XKR6: variants seen among roughly 807,000 people sequenced by gnomAD.
XKR6 encodes XK-related protein 6.
Under a neutral mutation model 56.7 loss-of-function variants are expected in XKR6, and 22 were observed. The observed-to-expected ratio is 0.39, with a 90% CI of 0.28 to 0.55. XKR6 has a LOEUF of 0.55. XKR6 is among the 20% of genes least tolerant of loss of function. The pLI, the probability that XKR6 is intolerant of heterozygous loss-of-function variation, is 0.66. For synonymous variants in XKR6, 524 were observed against 387.8 expected (o/e 1.35, Z -4.13); for missense variants, 852 against 889.0 (o/e 0.96, Z 0.53).
intron 1 of XKR6, among the ~76,000 whole-genome samples, chr8:11,126,241 G>C (rs1799788539): frequency 6.6e-6 from 1 of 151,752 alleles, no homozygotes; most frequent in Non-Finnish European, 1.5e-5. Flanking sequence ...GCTAATTTTT[G>C]TATTTTTAGT....
At chr8:11,188,658 T>C (rs1803396913) in intron 1 of XKR6, among the ~76,000 whole-genome samples, 1 of 152,102 alleles carries the variant, frequency 6.6e-6, no homozygotes, top group Admixed American at 6.6e-5. Flanking sequence ...GTAGGGTGAT[T>C]TATTAACTCT....
intron 1 of XKR6, among the ~76,000 whole-genome samples, chr8:11,128,030 C>T (rs1280661331): frequency 6.6e-6 from 1 of 152,164 alleles, no homozygotes; most frequent in South Asian, 2.1e-4. Flanking sequence ...TTTGATTTAT[C>T]AGTGGAGGGT....
intron 1 of XKR6, among the ~76,000 whole-genome samples, chr8:11,143,100 G>A (rs965267207): frequency 6.6e-6 from 1 of 152,056 alleles, no homozygotes; most frequent in Non-Finnish European, 1.5e-5. Flanking sequence ...AATGAAAACA[G>A]AATGACAAAG....
chr8:11,147,429 G>A (rs1801040648), intron 1 of XKR6, among the ~76,000 whole-genome samples: 1 of 152,132 alleles, frequency 6.6e-6, no homozygotes, highest in Admixed American at 6.5e-5. Context: ...ACTTTGGGAG[G>A]CTGAGGCAGG....
chr8:10,958,678 C>A (rs543954384), intron 1 of XKR6, among the ~76,000 whole-genome samples: 1 of 152,210 alleles, frequency 6.6e-6, no homozygotes, highest in African/African-American at 2.4e-5. Flanking sequence ...CTGGGCCGCC[C>A]GCTGATGGAG....
At chr8:10,899,408 A>G (rs1799975189) in intron 2 of XKR6, among the ~76,000 whole-genome samples, 1 of 152,222 alleles carries the variant, frequency 6.6e-6, no homozygotes, top group African/African-American at 2.4e-5. Flanking sequence ...AGGTGCTGGA[A>G]TCATGCTTCT....
At chr8:10,915,230 C>T (rs560220352) in intron 2 of XKR6, among the ~76,000 whole-genome samples, 1 of 152,344 alleles carries the variant, frequency 6.6e-6, no homozygotes, top group African/African-American at 2.4e-5. Context: ...CTGTATCTGT[C>T]CCCAGCTCCT....
intron 1 of XKR6, among the ~76,000 whole-genome samples, chr8:10,990,893 G>GTTTTTTTTTTTTT (rs1419173111): frequency 1.2e-5 from 1 of 82,170 alleles, no homozygotes; most frequent in African/African-American, 7.1e-5. Context: ...ACTGGGGAAT[G>GTTTTTTTTTTTTT]TCTTTTTTTT....
At chr8:11,038,830 C>T (rs907168347) in intron 1 of XKR6, among the ~76,000 whole-genome samples, 17 of 152,058 alleles carry the variant, frequency 1.1e-4, no homozygotes, top group Admixed American at 6.6e-5. Flanking sequence ...CATGAGCCAC[C>T]GCGCCTGGCC....
rs375558478 is a variant in XKR6 at position 11,007,839 on chromosome 8, T to C, written c.765-83009A>G. Among the ~76,000 whole-genome samples the C allele has an allele frequency of 4.4e-3, 675 of 152,146 alleles. 3 individuals carry two copies. Among genetic ancestry groups the C allele is most frequent in the African/African-American group, 0.015 (633 of 41,492 alleles). The stretch of plus-strand genomic sequence containing the variant: ...TTCTCCTCTCTGGGCTTGTATCTTT[T>C]CCTAGCGGTAGGAGAGGTAAAATTC... On this transcript the variant is annotated intron_variant, in intron 1 of 2. Transcript: ENST00000416569.
chr8:11,070,272 C>A (rs145411926), intron 1 of XKR6, among the ~76,000 whole-genome samples: 1 of 152,168 alleles, frequency 6.6e-6, no homozygotes, highest in Non-Finnish European at 1.5e-5. Flanking sequence ...TATTCATCCA[C>A]GCCTCATCAA....
At chr8:11,103,397 GA>G (rs1476506125) in intron 1 of XKR6, among the ~76,000 whole-genome samples, 2 of 152,146 alleles carry the variant, frequency 1.3e-5, no homozygotes, top group African/African-American at 2.4e-5. Flanking sequence ...GGCCCCACAA[GA>G]ACTCAGGGAG....
chr8:11,050,399 A>T (rs1393563209), intron 1 of XKR6, among the ~76,000 whole-genome samples: 1 of 152,102 alleles, frequency 6.6e-6, no homozygotes, highest in African/African-American at 2.4e-5. Flanking sequence ...ATGGGCCTGG[A>T]TGATGGTCTC....
intron 1 of XKR6, among the ~76,000 whole-genome samples, chr8:10,999,639 G>C (rs960603216): frequency 1.3e-5 from 2 of 152,152 alleles, no homozygotes; most frequent in African/African-American, 2.4e-5. Flanking sequence ...CAAAATAAAA[G>C]TTCTAAAAAA....
intron 1 of XKR6, among the ~76,000 whole-genome samples, chr8:10,955,606 T>C (rs1801861809): frequency 6.6e-6 from 1 of 152,192 alleles, no homozygotes; most frequent in South Asian, 2.1e-4. Context: ...ATGAAGAAAC[T>C]GAGGCAAGTA....
At chr8:11,003,116 A>C (rs1798283294) in intron 1 of XKR6, among the ~76,000 whole-genome samples, 1 of 152,206 alleles carries the variant, frequency 6.6e-6, no homozygotes, top group African/African-American at 2.4e-5. Context: ...AGGTTAATTC[A>C]GGAAGCATCA....
chr8:11,042,655 A>T (rs983174703), intron 1 of XKR6, among the ~76,000 whole-genome samples: 1 of 152,246 alleles, frequency 6.6e-6, no homozygotes, highest in Non-Finnish European at 1.5e-5. Context: ...CAACATCCCA[A>T]ATCCAAAAAT....
chr8:10,988,980 C>T (rs12056399), intron 1 of XKR6, among the ~76,000 whole-genome samples: 1 of 152,326 alleles, frequency 6.6e-6, no homozygotes, highest in East Asian at 1.9e-4. Context: ...AAAATACTTG[C>T]TTGACACGAG....
At chr8:10,993,670 C>G (rs1399498415) in intron 1 of XKR6, among the ~76,000 whole-genome samples, 1 of 152,206 alleles carries the variant, frequency 6.6e-6, no homozygotes, top group African/African-American at 2.4e-5. Flanking sequence ...GCTCCTAGCT[C>G]ACCCGACACT....
Sources: allele counts gnomAD v4.1 joint callset (sites outside exome capture counted in the v4.1 genomes callset), GRCh38; gene constraint gnomAD v4.1.1; transcripts MANE v1.5; gene names NCBI Gene and HGNC (gene_info 2026-07-23, HGNC 2026-07-21).